Variants in FAAH2 observed in about 807,000 individuals in gnomAD.
The protein encoded by FAAH2 is fatty acid amide hydrolase 2, also known as fatty-acid amide hydrolase 2.
Under a neutral mutation model 36.9 loss-of-function variants are expected in FAAH2, and 60 were observed. The observed-to-expected ratio is 1.63, with a 90% CI of 1.32 to 2.02. FAAH2 has a LOEUF of 2.02. Among genes scored for constraint, FAAH2 ranks in the 30% most tolerant of loss-of-function variants. FAAH2 has a pLI of 0.00. For missense variants in FAAH2, 689 were observed against 397.5 expected, an observed-to-expected ratio of 1.73 and a Z score of -6.23; for synonymous variants, 214 against 143.8, an observed-to-expected ratio of 1.49 and a Z score of -3.49.
intron 7 of FAAH2, among the ~76,000 whole-genome samples, chrX:57,407,928 C>G (rs1285313466): frequency 8.9e-6 from 1 of 111,842 alleles, no homozygotes; most frequent in African/African-American, 3.2e-5. Flanking sequence ...ACTATGTATT[C>G]TTGTTACTTT....
At chrX:57,435,317 G>A (rs937530673) in intron 8 of FAAH2, among the ~76,000 whole-genome samples, 1 of 111,293 alleles carries the variant, frequency 9.0e-6, no homozygotes, top group African/African-American at 3.3e-5. Context: ...AAAAGATTTA[G>A]TGACCTGACA....
chrX:57,384,566 A>G (rs1361823586), intron 7 of FAAH2, among the ~76,000 whole-genome samples: 1 of 111,748 alleles, frequency 8.9e-6, no homozygotes, highest in African/African-American at 3.2e-5. Flanking sequence ...CAAAAGACAC[A>G]TGAAAAAATA....
the FAAH2 span, among the ~76,000 whole-genome samples, chrX:57,230,165 G>T: frequency 2.6e-4 from 29 of 111,605 alleles, no homozygotes; most frequent in South Asian, 3.7e-4. Flanking sequence ...CAACCTTCTG[G>T]GTATAACTTC....
chrX:57,149,023 G>T, the FAAH2 span, among the ~76,000 whole-genome samples: 1 of 111,864 alleles, frequency 8.9e-6, no homozygotes, highest in Non-Finnish European at 1.9e-5. Context: ...TAATCATGTG[G>T]TTTTTGTCTT....
At chrX:57,219,714 C>T in the FAAH2 span, among the ~76,000 whole-genome samples, 1 of 109,070 alleles carries the variant, frequency 9.2e-6, no homozygotes, top group Non-Finnish European at 1.9e-5. Flanking sequence ...CCAGGATGGC[C>T]TCCTTTTCCC....
the FAAH2 span, among the ~76,000 whole-genome samples, chrX:57,193,826 A>G: frequency 5.3e-5 from 6 of 112,237 alleles, no homozygotes; most frequent in South Asian, 2.2e-3. Flanking sequence ...GATGAATCAC[A>G]TTGATTGAGT....
rs2057527379 is a variant in FAAH2 at position 57,489,128 on chromosome X, G to C, written c.*196G>C. The C allele has an allele frequency of 9.4e-6, 4 of 426,250 alleles. No individual in the cohort carries two copies. In the East Asian group the frequency reaches 1.7e-4, roughly 18 times the overall value. The allele number at this position is 426,250 out of a possible 1,213,427, so 35.1% of individuals were successfully genotyped here. A position where few individuals can be genotyped will look rare whatever the true frequency, so the allele number is the denominator to read the frequency against. On this transcript the variant is annotated 3_prime_UTR_variant, in exon 11 of 11. Coordinates refer to ENST00000374900, the MANE Select transcript of FAAH2 (RefSeq NM_174912.4). ...ACTAAAATGGTAATATTTGCTTCTT[G>C]CTTTTATGTTACTGGAAAATTAGGA... is the stretch of plus-strand genomic sequence containing the variant.
the FAAH2 span, among the ~76,000 whole-genome samples, chrX:57,156,979 G>T: frequency 2.7e-5 from 3 of 112,287 alleles, no homozygotes; most frequent in Admixed American, 2.8e-4. Context: ...GCCAGAACTT[G>T]TTCTATCCCA....
the FAAH2 span, among the ~76,000 whole-genome samples, chrX:57,181,031 G>A: frequency 3.6e-3 from 406 of 111,473 alleles, 4 homozygotes; most frequent in African/African-American, 0.012. Context: ...ACAAAAACCA[G>A]ATAATCATCT....
intron 3 of FAAH2, among the ~76,000 whole-genome samples, chrX:57,312,952 G>A (rs1053923688): frequency 3.6e-5 from 4 of 111,508 alleles, no homozygotes. Flanking sequence ...TGAGATTCAG[G>A]AGAAAGTTGA....
chrX:57,394,026 C>A, intron 7 of FAAH2: 1 of 759,037 alleles, frequency 1.3e-6, no homozygotes, highest in Non-Finnish European at 2.1e-6. Context: ...GTAAAGGTAG[C>A]CTTGTCTGTC....
chrX:57,476,832 A>T (rs1291789287), intron 10 of FAAH2, among the ~76,000 whole-genome samples: 2 of 105,540 alleles, frequency 1.9e-5, no homozygotes, highest in African/African-American at 6.8e-5. Flanking sequence ...TTTTAAATTG[A>T]TGTTCTTGGA....
chrX:57,479,351 CTT>C (rs1311977236), intron 10 of FAAH2, among the ~76,000 whole-genome samples: 1 of 111,937 alleles, frequency 8.9e-6, no homozygotes, highest in Non-Finnish European at 1.9e-5. Flanking sequence ...TATCTTGAGA[CTT>C]TGCTGAAGTT....
chrX:57,245,710 G>A, the FAAH2 span, among the ~76,000 whole-genome samples: 1 of 112,399 alleles, frequency 8.9e-6, no homozygotes, highest in Non-Finnish European at 1.9e-5. Flanking sequence ...CAGAATCTGT[G>A]GGACACAGCT....
chrX:57,396,400 T>C (rs181927793), intron 7 of FAAH2, among the ~76,000 whole-genome samples: 272 of 109,449 alleles, frequency 2.5e-3, no homozygotes, highest in African/African-American at 8.5e-3. Context: ...TTCTTGTTTT[T>C]CTACTTCCTT....
At chrX:57,359,519 C>T (rs1338163457) in intron 5 of FAAH2, among the ~76,000 whole-genome samples, 3 of 111,515 alleles carry the variant, frequency 2.7e-5, no homozygotes, top group African/African-American at 9.8e-5. Context: ...GGCCACTGCA[C>T]CTGTCCCAAA....
the FAAH2 span, among the ~76,000 whole-genome samples, chrX:57,222,862 T>A: frequency 2.2e-4 from 24 of 111,467 alleles, no homozygotes. Flanking sequence ...AGTTTGTAGA[T>A]GGCAGCTCCT....
At chrX:57,438,035 G>GTA (rs1180634194) in intron 8 of FAAH2, among the ~76,000 whole-genome samples, 4 of 100,924 alleles carry the variant, frequency 4.0e-5, no homozygotes, top group Non-Finnish European at 6.0e-5. Context: ...ATATACATAT[G>GTA]TATATATATA....
the FAAH2 span, among the ~76,000 whole-genome samples, chrX:57,172,952 C>T: frequency 1.8e-5 from 2 of 111,689 alleles, no homozygotes; most frequent in African/African-American, 6.5e-5. Flanking sequence ...GCTTGACAGG[C>T]GAGGGTAGTC....
Sources: allele counts gnomAD v4.1 joint callset (sites outside exome capture counted in the v4.1 genomes callset), GRCh38; gene constraint gnomAD v4.1.1; transcripts MANE v1.5; gene names NCBI Gene and HGNC (gene_info 2026-07-23, HGNC 2026-07-21).